KIF26B: variants seen among roughly 807,000 people sequenced by gnomAD.
The protein encoded by KIF26B is kinesin-like protein KIF26B.
Under a neutral mutation model 151.2 loss-of-function variants are expected in KIF26B, and 63 were observed. The observed-to-expected ratio is 0.42, with a 90% CI of 0.34 to 0.51. KIF26B has a LOEUF of 0.51. Ranked by LOEUF, KIF26B falls within the 20% of genes least tolerant of loss-of-function variation. The pLI, the probability that KIF26B is intolerant of heterozygous loss-of-function variation, is 0.07. For missense variants in KIF26B, 2,813 were observed against 2,913.6 expected (o/e 0.97, Z 0.79); for synonymous variants, 1,357 against 1,262.1 (o/e 1.08, Z -1.59).
intron 2 of KIF26B, among the ~76,000 whole-genome samples, chr1:245,180,424 C>T (rs916756637): frequency 1.3e-5 from 2 of 152,148 alleles, no homozygotes; most frequent in Non-Finnish European, 2.9e-5. Flanking sequence ...TGTGTCCTTC[C>T]TCAACTTCCA....
chr1:245,474,199 C>G (rs1279776831), intron 4 of KIF26B, among the ~76,000 whole-genome samples: 1 of 148,372 alleles, frequency 6.7e-6, no homozygotes, highest in Non-Finnish European at 1.5e-5. Context: ...ACCTCTGCCT[C>G]CCGGGTTCAA....
chr1:245,548,450 C>T (rs77504224), intron 5 of KIF26B, among the ~76,000 whole-genome samples: 19,849 of 152,114 alleles, frequency 0.13, 1,469 homozygotes, highest in East Asian at 0.27. Flanking sequence ...TCCCAGGGTG[C>T]GAGTTGTCCC....
At chr1:245,398,584 G>T (rs956880190) in intron 3 of KIF26B, among the ~76,000 whole-genome samples, 1 of 152,020 alleles carries the variant, frequency 6.6e-6, no homozygotes, top group Non-Finnish European at 1.5e-5. Flanking sequence ...CAGTGGAGGG[G>T]TGGGTTGATG....
intron 2 of KIF26B, among the ~76,000 whole-genome samples, chr1:245,306,719 A>G (rs567419995): frequency 1.3e-5 from 2 of 152,258 alleles, no homozygotes; most frequent in South Asian, 4.2e-4. Flanking sequence ...CAAACTGGAT[A>G]TGTTTTCTCC....
At chr1:245,660,374 C>T (rs2044122893) in intron 10 of KIF26B, among the ~76,000 whole-genome samples, 2 of 151,812 alleles carry the variant, frequency 1.3e-5, no homozygotes, top group South Asian at 4.2e-4. Flanking sequence ...AAGGTCTTGT[C>T]ACCCAGGCTA....
intron 6 of KIF26B, among the ~76,000 whole-genome samples, chr1:245,604,258 CA>C (rs2043426680): frequency 6.6e-6 from 1 of 152,142 alleles, no homozygotes; most frequent in African/African-American, 2.4e-5. Context: ...CTGACGACAA[CA>C]GTGCGAATAG....
chr1:245,381,019 C>T (rs1673397704), intron 3 of KIF26B, among the ~76,000 whole-genome samples: 1 of 151,294 alleles, frequency 6.6e-6, no homozygotes, highest in Admixed American at 6.6e-5. Context: ...ATACTTTAGC[C>T]AACCTAAGAA....
chr1:245,675,265 C>T (rs1338583003), intron 10 of KIF26B, among the ~76,000 whole-genome samples: 2 of 152,128 alleles, frequency 1.3e-5, no homozygotes, highest in East Asian at 3.9e-4. Flanking sequence ...ACTGTGGTTT[C>T]ATTACATTGG....
At chr1:245,263,675 G>A (rs981785964) in intron 2 of KIF26B, among the ~76,000 whole-genome samples, 1 of 152,170 alleles carries the variant, frequency 6.6e-6, no homozygotes, top group South Asian at 2.1e-4. Flanking sequence ...GACCCCTTGG[G>A]AGACATGGGA....
Position 245,670,644 on chromosome 1 carries a change from TGAG to T in KIF26B, c.2259-13585_2259-13583del, listed in dbSNP as rs148608438. Among the ~76,000 whole-genome samples, 1,461 of 152,146 alleles carry T rather than the reference TGAG, an allele frequency of 9.6e-3. 26 individuals carry two copies. The highest frequency in any genetic ancestry group is 0.033 in the African/African-American group (1,386 of 41,510). On this transcript the variant is annotated intron_variant, in intron 10 of 14. Coordinates refer to ENST00000407071, the MANE Select transcript of KIF26B (RefSeq NM_018012.4). The stretch of plus-strand genomic sequence containing the variant: ...AACAACCCAATTGTTCATCCACAAA[TGAG>T]GAGAGAAAATGTGGTATGTAAATAT...
Position 245,495,118 on chromosome 1 carries a change from C to T in KIF26B, c.1167-45649C>T, listed in dbSNP as rs1194958734. 6.6e-6 allele frequency among the ~76,000 whole-genome samples: 1 copy of T among 152,068 alleles called. No individual in the cohort carries two copies. The highest frequency in any genetic ancestry group is 2.4e-5 in the African/African-American group (1 of 41,392). ...AATGAAATAATGGATATTAAGAACACAACAAGTGGATCTAATAGCAGATTA... is the reference window on the plus strand; with the variant it reads ...AATGAAATAATGGATATTAAGAACATAACAAGTGGATCTAATAGCAGATTA... On this transcript the variant is annotated intron_variant, in intron 4 of 14. Coordinates refer to ENST00000407071, the MANE Select transcript of KIF26B (RefSeq NM_018012.4). The surrounding 1 kb of genome is among the most constrained non-coding windows in gnomAD (Gnocchi z 4.2).
At chr1:245,544,836 A>G (rs754592782) in intron 5 of KIF26B, among the ~76,000 whole-genome samples, 3 of 152,178 alleles carry the variant, frequency 2.0e-5, no homozygotes, top group Non-Finnish European at 2.9e-5. Flanking sequence ...AGAATGAGGG[A>G]GAAGGGAGGC....
intron 2 of KIF26B, among the ~76,000 whole-genome samples, chr1:245,231,289 C>T (rs1160061137): frequency 6.6e-6 from 1 of 152,032 alleles, no homozygotes; most frequent in Non-Finnish European, 1.5e-5. Context: ...CTGAGGTGGG[C>T]AGATCACCTG....
intron 4 of KIF26B, among the ~76,000 whole-genome samples, chr1:245,508,510 G>A (rs1002822813): frequency 2.6e-5 from 4 of 152,136 alleles, no homozygotes; most frequent in Non-Finnish European, 5.9e-5. Flanking sequence ...CAAGTGCTGT[G>A]TGATCCTTAA....
chr1:245,178,642 A>G (rs1668852272), intron 2 of KIF26B, among the ~76,000 whole-genome samples: 1 of 152,246 alleles, frequency 6.6e-6, no homozygotes, highest in African/African-American at 2.4e-5. Flanking sequence ...AAAGTGTTTA[A>G]TAATCACTTT....
At chr1:245,460,379 G>A (rs1486754794) in intron 4 of KIF26B, among the ~76,000 whole-genome samples, 1 of 152,060 alleles carries the variant, frequency 6.6e-6, no homozygotes, top group Non-Finnish European at 1.5e-5. Context: ...GTGGTCCAAG[G>A]GTCAAATCCA....
intron 3 of KIF26B, among the ~76,000 whole-genome samples, chr1:245,381,229 C>A (rs1271968814): frequency 6.6e-6 from 1 of 152,144 alleles, no homozygotes; most frequent in Non-Finnish European, 1.5e-5. Context: ...TTGGTTTTGG[C>A]CTGGTAGAAA....
chr1:245,485,606 A>G (rs984698991), intron 4 of KIF26B, among the ~76,000 whole-genome samples: 8 of 151,648 alleles, frequency 5.3e-5, no homozygotes, highest in Admixed American at 2.6e-4. Flanking sequence ...CTGGTCTCAG[A>G]CTCCTGACCT....
chr1:245,198,637 G>A (rs1442252454), intron 2 of KIF26B, among the ~76,000 whole-genome samples: 2 of 151,864 alleles, frequency 1.3e-5, no homozygotes, highest in South Asian at 2.1e-4. Context: ...CAGGAGAATC[G>A]CTTGAACTTG....
Sources: allele counts gnomAD v4.1 joint callset (sites outside exome capture counted in the v4.1 genomes callset), GRCh38; gene constraint gnomAD v4.1.1; non-coding constraint Gnocchi (gnomAD v3.1); transcripts MANE v1.5; gene names NCBI Gene and HGNC (gene_info 2026-07-23, HGNC 2026-07-21).